SNX25: variants seen among roughly 807,000 people sequenced by gnomAD.
SNX25 encodes the protein sorting nexin-25.
Under a neutral mutation model 113.7 loss-of-function variants are expected in SNX25, and 62 were observed. The observed-to-expected ratio is 0.55, with a 90% CI of 0.44 to 0.67. SNX25 has a LOEUF of 0.67. Ranked by LOEUF, SNX25 falls within the 30% of genes least tolerant of loss-of-function variation. The pLI, the probability that SNX25 is intolerant of heterozygous loss-of-function variation, is 0.00. For synonymous variants in SNX25, 421 were observed against 436.2 expected, an observed-to-expected ratio of 0.97 and a Z score of 0.43; for missense variants, 1,014 against 1,161.0, an observed-to-expected ratio of 0.87 and a Z score of 1.84.
At chr4:185,265,197 T>C (rs1371676206) in intron 4 of SNX25, among the ~76,000 whole-genome samples, 1 of 152,204 alleles carries the variant, frequency 6.6e-6, no homozygotes, top group African/African-American at 2.4e-5. Flanking sequence ...TGATAATGCG[T>C]ATACAGTAAT....
chr4:185,315,009 A>T (rs1163589668), intron 7 of SNX25, among the ~76,000 whole-genome samples: 1 of 151,400 alleles, frequency 6.6e-6, no homozygotes, highest in Admixed American at 6.6e-5. Context: ...CGGGCGGATC[A>T]CGAGGTCAGG....
chr4:185,272,085 A>C (rs1258597159), intron 5 of SNX25, among the ~76,000 whole-genome samples: 1 of 152,174 alleles, frequency 6.6e-6, no homozygotes, highest in Non-Finnish European at 1.5e-5. Flanking sequence ...TGGTGGCTAT[A>C]CTGGTGTGAT....
At chr4:185,341,280 A>G (rs1561033138) in intron 11 of SNX25, among the ~76,000 whole-genome samples, 1 of 152,228 alleles carries the variant, frequency 6.6e-6, no homozygotes, top group Non-Finnish European at 1.5e-5. Context: ...ATATCTCCCA[A>G]TGTAAAATTT....
At chr4:185,354,871 C>T (rs1350330100) in intron 15 of SNX25, among the ~76,000 whole-genome samples, 6 of 152,184 alleles carry the variant, frequency 3.9e-5, no homozygotes, top group Admixed American at 2.6e-4. Context: ...CTGACCACCT[C>T]GAAGAGGAAG....
rs575554354 is a variant in SNX25, at chr4:185,224,528, C to T, written c.429+14273C>T. ...ATATATAGATATATAAATATATATA[C>T]ATATATATAAATATATATACATATA... On this transcript the variant is annotated intron_variant, in intron 1 of 18. Transcript: ENST00000652585. Among the ~76,000 whole-genome samples the T allele has an allele frequency of 1.8e-3, 191 of 103,418 alleles. 1 individual carries two copies. The highest frequency in any genetic ancestry group is 0.014 in the East Asian group (58 of 4,130). 67.8% of individuals were successfully genotyped at this position (103,418 alleles called of 152,430 possible).
intron 15 of SNX25, among the ~76,000 whole-genome samples, chr4:185,356,349 G>A (rs2095339050): frequency 6.6e-6 from 1 of 152,090 alleles, no homozygotes; most frequent in Non-Finnish European, 1.5e-5. Context: ...TCCTAGAGTT[G>A]CACTTGTCCT....
intron 11 of SNX25, among the ~76,000 whole-genome samples, chr4:185,340,236 G>C (rs1378184444): frequency 6.6e-6 from 1 of 152,106 alleles, no homozygotes; most frequent in African/African-American, 2.4e-5. Context: ...GCTTATCTTT[G>C]TTCTTCCCTG....
chr4:185,231,406 T>C (rs951043882), intron 1 of SNX25, among the ~76,000 whole-genome samples: 1 of 151,280 alleles, frequency 6.6e-6, no homozygotes, highest in African/African-American at 2.4e-5. Flanking sequence ...GCCAATAACT[T>C]GTTTCTTTTA....
In SNX25 at chr4:185,347,615, C is replaced by CAT. The variant is rs1381006669; in HGVS notation, c.2301+965_2301+966insAT. Among the ~76,000 whole-genome samples, 14 of 152,176 alleles carry CAT rather than the reference C, an allele frequency of 9.2e-5. 1 individual carries two copies. The East Asian group carries it at 2.7e-3, about 29-fold the overall frequency. On this transcript the variant is annotated intron_variant, in intron 13 of 18. Transcript: ENST00000652585. The stretch of plus-strand genomic sequence containing the variant: ...CCTCCCAAGTAGCTGGGATTACAGG[C>CAT]GCCTGCCACCACGCCTGGCTAATTT...
chr4:185,315,049 A>T (rs2095061142), intron 7 of SNX25, among the ~76,000 whole-genome samples: 1 of 150,856 alleles, frequency 6.6e-6, no homozygotes, highest in African/African-American at 2.4e-5. Flanking sequence ...TAACACAGTG[A>T]AACCCCGTCT....
downstream of SNX25, chr4:185,370,773 GC>G: frequency 6.2e-7 from 1 of 1,614,134 alleles, no homozygotes; most frequent in Non-Finnish European, 8.5e-7. Flanking sequence ...TGTGACCTGG[GC>G]GATCATGGGG....
intron 13 of SNX25, 132 bp downstream of exon 13, chr4:185,346,782 G>T: frequency 1.7e-6 from 1 of 593,220 alleles, no homozygotes; most frequent in Non-Finnish European, 2.9e-6. Flanking sequence ...AAATATCTTG[G>T]GTGTTTTTTT....
intron 6 of SNX25, among the ~76,000 whole-genome samples, chr4:185,301,225 G>T (rs573918835): frequency 6.7e-6 from 1 of 149,476 alleles, no homozygotes; most frequent in South Asian, 2.1e-4. Context: ...AGTTGTCTTC[G>T]GTCATGCCTA....
chr4:185,220,142 G>A (rs1157554069), intron 1 of SNX25, among the ~76,000 whole-genome samples: 1 of 152,076 alleles, frequency 6.6e-6, no homozygotes, highest in African/African-American at 2.4e-5. Flanking sequence ...TTCAGATCTA[G>A]TTTTGGGCCT....
At position 185,252,785 on chromosome 4, in the gene SNX25, A is replaced by G. The variant is rs190742768; in HGVS notation, c.514+5407A>G. On this transcript the variant is annotated intron_variant, in intron 2 of 18. Transcript: ENST00000652585. The stretch of plus-strand genomic sequence containing the variant: ...ACAAAGAAGAAAGAAGTAATAGTCA[A>G]AAATGCAGAGCAAAATAATATACTC... 5.4e-4 allele frequency among the ~76,000 whole-genome samples: 83 copies of G among 152,348 alleles called. 1 individual carries two copies. The highest frequency in any genetic ancestry group is 1.0e-3 in the Non-Finnish European group (68 of 68,030).
In SNX25 at chr4:185,363,489, A is replaced by G. The variant is rs921336096; in HGVS notation, c.*24A>G. The G allele has an allele frequency of 6.2e-7, 1 of 1,606,406 alleles. No individual in the cohort carries two copies. The highest frequency in any genetic ancestry group is 1.1e-5 in the South Asian group (1 of 90,924). ...GAGACTACACAAATAAACCACCAGA[A>G]AAATGTCTGTGTAATAATAGACATG... On this transcript the variant is annotated 3_prime_UTR_variant, in exon 19 of 19. Coordinates refer to ENST00000652585, the MANE Select transcript of SNX25 (RefSeq NM_001378034.2). The surrounding 1 kb of genome is among the most constrained non-coding windows in gnomAD (Gnocchi z 4.2).
At chr4:185,376,660 G>A in the SNX25 span, among the ~76,000 whole-genome samples, 1 of 152,008 alleles carries the variant, frequency 6.6e-6, no homozygotes. Flanking sequence ...TTAATCTATA[G>A]TGTGAAATGG....
intron 9 of SNX25, among the ~76,000 whole-genome samples, chr4:185,330,227 T>G (rs111336732): frequency 0.02 from 3,114 of 152,064 alleles, 77 homozygotes; most frequent in African/African-American, 0.053. Flanking sequence ...TATTGCAGGG[T>G]TGGAATGTCT....
At chr4:185,331,394 A>G (rs2095193947) in intron 9 of SNX25, among the ~76,000 whole-genome samples, 1 of 152,320 alleles carries the variant, frequency 6.6e-6, no homozygotes, top group Middle Eastern at 3.4e-3. Flanking sequence ...CCAGCATTGT[A>G]CGTTATATGA....
Sources: allele counts gnomAD v4.1 joint callset (sites outside exome capture counted in the v4.1 genomes callset), GRCh38; gene constraint gnomAD v4.1.1; non-coding constraint Gnocchi (gnomAD v3.1); transcripts MANE v1.5; gene names NCBI Gene and HGNC (gene_info 2026-07-23, HGNC 2026-07-21).